The following TGFBRAP1 variants were observed in gnomAD, a reference collection of about 807,000 sequenced individuals.
The protein encoded by TGFBRAP1 is transforming growth factor beta receptor associated protein 1.
TGFBRAP1 carries 20 observed loss-of-function variants against 83.2 expected under a neutral mutation model. That is an observed-to-expected ratio of 0.24 (90% CI 0.17 to 0.35). The LOEUF is 0.35. Among genes scored for constraint, TGFBRAP1 ranks in the 10% least tolerant of loss-of-function variants. TGFBRAP1 has a pLI of 1.00. For synonymous variants in TGFBRAP1, 415 were observed against 459.8 expected, an observed-to-expected ratio of 0.90 and a Z score of 1.25; for missense variants, 950 against 1,099.4, an observed-to-expected ratio of 0.86 and a Z score of 1.92.
chr2:105,261,952 C>G (rs1385605829), downstream of TGFBRAP1, among the ~76,000 whole-genome samples: 3 of 152,084 alleles, frequency 2.0e-5, no homozygotes, highest in South Asian at 6.2e-4. Flanking sequence ...TCAGACACAC[C>G]TGTGGGGGCA....
At chr2:105,272,808 T>C (rs372234408) in intron 10 of TGFBRAP1, 47 bp downstream of exon 10, 59 of 1,600,872 alleles carry the variant, frequency 3.7e-5, no homozygotes, top group Non-Finnish European at 4.9e-5. Context: ...CCCACCCGCT[T>C]GATATGAGTT....
intron 1 of TGFBRAP1, among the ~76,000 whole-genome samples, chr2:105,314,343 C>T (rs1201801799): frequency 1.3e-5 from 2 of 150,372 alleles, no homozygotes; most frequent in Non-Finnish European, 3.0e-5. Flanking sequence ...CTCCACCTCC[C>T]GGGTTCACGC....
At chr2:105,261,730 C>T (rs550919909), downstream of TGFBRAP1, among the ~76,000 whole-genome samples, 171 of 152,092 alleles carry the variant, frequency 1.1e-3, no homozygotes, top group Admixed American at 2.5e-3. Flanking sequence ...CCAGCCTGGG[C>T]GACAGAGCAA....
chr2:105,250,113 G>C, the TGFBRAP1 span, among the ~76,000 whole-genome samples: 1 of 152,184 alleles, frequency 6.6e-6, no homozygotes, highest in Admixed American at 6.5e-5. Flanking sequence ...CGATTGCCAT[G>C]GTCAAAGAGG....
chr2:105,316,468 C>T (rs368215009), intron 1 of TGFBRAP1, among the ~76,000 whole-genome samples: 2,622 of 80,830 alleles, frequency 0.032, 30 homozygotes, highest in East Asian at 0.061. Flanking sequence ...TGTGTGCGCG[C>T]GCGCGCGCGC....
intron 1 of TGFBRAP1, among the ~76,000 whole-genome samples, chr2:105,308,759 C>T (rs1265765421): frequency 7.1e-6 from 1 of 141,562 alleles, no homozygotes; most frequent in Non-Finnish European, 1.5e-5. Flanking sequence ...AATGAGACCC[C>T]ATTTAAAAAA....
downstream of TGFBRAP1, chr2:105,264,398 G>T (rs148767168): frequency 6.6e-6 from 1 of 152,186 alleles, no homozygotes; most frequent in Non-Finnish European, 1.5e-5. Flanking sequence ...GGTATGGTGC[G>T]AGTGAAAACC....
chr2:105,312,565 G>A (rs1390037247), intron 1 of TGFBRAP1, among the ~76,000 whole-genome samples: 2 of 152,072 alleles, frequency 1.3e-5, no homozygotes, highest in Non-Finnish European at 2.9e-5. Context: ...TCCTATTAAG[G>A]AAATAGGACT....
rs769660664 is a variant in TGFBRAP1 at position 105,300,434 on chromosome 2, CT to C, written c.689-1730del. Among the ~76,000 whole-genome samples, 238 of 119,038 alleles carry C rather than the reference CT, an allele frequency of 2.0e-3. 1 individual carries two copies. Among genetic ancestry groups the C allele is most frequent in the Middle Eastern group, 4.2e-3 (1 of 238 alleles). The allele number at this position is 119,038 out of a possible 152,430, so 78.1% of individuals were successfully genotyped here. ...CCAACATAGGATAATGGAGTAAAAT[CT>C]TTTTTTTTTTTTTTTTTTTCCGAGA... is the stretch of plus-strand genomic sequence containing the variant. On this transcript the variant is annotated intron_variant, in intron 2 of 11. Coordinates refer to ENST00000393359, the MANE Select transcript of TGFBRAP1 (RefSeq NM_004257.6).
chr2:105,276,189 C>G (rs557065541), intron 7 of TGFBRAP1, among the ~76,000 whole-genome samples: 5 of 152,166 alleles, frequency 3.3e-5, no homozygotes, highest in African/African-American at 1.2e-4. Context: ...GTGATTCTGT[C>G]CCCTGAGTTC....
At chr2:105,289,209 G>C (rs540299309) in intron 4 of TGFBRAP1, among the ~76,000 whole-genome samples, 4 of 109,388 alleles carry the variant, frequency 3.7e-5, no homozygotes, top group Admixed American at 1.0e-4. Context: ...AAAAAAAAGT[G>C]GGGGGGTGCC....
intron 9 of TGFBRAP1, among the ~76,000 whole-genome samples, 197 bp downstream of exon 9, chr2:105,273,344 AGAC>A (rs1353832958): frequency 3.9e-5 from 6 of 152,338 alleles, no homozygotes; most frequent in African/African-American, 1.4e-4. Context: ...AGTGGGTGTG[AGAC>A]GGACGGAGAA....
intron 1 of TGFBRAP1, among the ~76,000 whole-genome samples, chr2:105,316,949 G>A (rs993083773): frequency 7.2e-5 from 11 of 152,092 alleles, no homozygotes; most frequent in African/African-American, 2.2e-4. Flanking sequence ...GGACTAGCAC[G>A]AGGACAGACC....
chr2:105,275,813 T>A, intron 7 of TGFBRAP1, 110 bp from the exon 8 acceptor site: 1 of 1,141,520 alleles, frequency 8.8e-7, no homozygotes, highest in Non-Finnish European at 1.2e-6. Context: ...TTTGGCTTTT[T>A]AATACCTTTT....
At chr2:105,323,281 C>T (rs2104421830) in intron 1 of TGFBRAP1, among the ~76,000 whole-genome samples, 1 of 152,232 alleles carries the variant, frequency 6.6e-6, no homozygotes, top group Middle Eastern at 3.4e-3. Context: ...GGGGGATGTG[C>T]TGACACCCAC....
Position 105,307,967 on chromosome 2 carries a change from G to A in TGFBRAP1, c.335C>T (p.Ser112Leu), listed in dbSNP as rs1327950798. The A allele has an allele frequency of 5.6e-6, 9 of 1,614,226 alleles. No individual in the cohort carries two copies. The highest frequency in any genetic ancestry group is 1.1e-5 in the South Asian group (1 of 91,086). Reference sequence around the variant, plus strand: ...GGCTGCCCCCTTGATGCGGGCCCCCGAAGGCACTGGCTCGAGGTTCAGCAT... The same window carrying A: ...GGCTGCCCCCTTGATGCGGGCCCCCAAAGGCACTGGCTCGAGGTTCAGCAT... ...VNMLNLEPVP[S>L]GARIKGAATF... Residue 112 changes from serine to leucine, a missense_variant, in exon 2 of 12, where the codon TCG becomes TTG. By Grantham distance (145) the Ser-to-Leu change is moderately radical. Coordinates refer to ENST00000393359, the MANE Select transcript of TGFBRAP1 (RefSeq NM_004257.6).
chr2:105,301,021 C>T (rs948293199), intron 2 of TGFBRAP1, among the ~76,000 whole-genome samples: 1 of 151,898 alleles, frequency 6.6e-6, no homozygotes, highest in African/African-American at 2.4e-5. Context: ...TCCAGGAGTT[C>T]AAGACCAGCC....
At position 105,272,886 on chromosome 2, in the gene TGFBRAP1, T is replaced by C; in HGVS notation, c.1941A>G (p.Lys647=). 3 of 1,609,052 alleles carry C rather than the reference T, an allele frequency of 1.9e-6. No individual in the cohort carries two copies. The highest frequency in any genetic ancestry group is 2.5e-6 in the Non-Finnish European group (3 of 1,179,852). Residue 647 remains lysine (K), a synonymous_variant, in exon 10 of 12, where the codon AAA becomes AAG. Coordinates refer to ENST00000393359, the MANE Select transcript of TGFBRAP1 (RefSeq NM_004257.6). ...GAAAGTGGACTCGGTATAAATCAGATTTCTGGAGCAGCCGCCGCAGCTTGG... is the reference window on the plus strand; with the variant it reads ...GAAAGTGGACTCGGTATAAATCAGACTTCTGGAGCAGCCGCCGCAGCTTGG... ...TQAKLRRLLQ[K]SDLYRVHFLL...
intron 3 of TGFBRAP1, 143 bp from the exon 4 acceptor site, chr2:105,296,653 T>A: frequency 1.1e-6 from 1 of 880,336 alleles, no homozygotes; most frequent in Non-Finnish European, 1.6e-6. Context: ...ACAAAAATTA[T>A]AAATTATAAT....
Sources: gnomAD v4.1 joint callset for allele counts (sites outside exome capture counted in the v4.1 genomes callset) on GRCh38, gnomAD v4.1.1 for gene constraint, MANE v1.5 for transcripts, NCBI Gene and HGNC (gene_info 2026-07-23, HGNC 2026-07-21) for gene names.